The following THEMIS variants were observed in gnomAD, a reference collection of about 807,000 sequenced individuals.
THEMIS encodes thymocyte selection associated, also known as protein THEMIS.
Under a neutral mutation model 52.6 loss-of-function variants are expected in THEMIS, and 37 were observed. The observed-to-expected ratio is 0.70, with a 90% CI of 0.54 to 0.93. The LOEUF is 0.93. Ranked by LOEUF, THEMIS falls within the 40% of genes least tolerant of loss-of-function variation. The pLI is 0.00. For missense variants in THEMIS, 808 were observed against 763.1 expected (o/e 1.06, Z -0.69); for synonymous variants, 292 against 272.7 (o/e 1.07, Z -0.70).
At chr6:127,710,687 A>G (rs1030878025) in intron 5 of THEMIS, among the ~76,000 whole-genome samples, 3 of 152,024 alleles carry the variant, frequency 2.0e-5, no homozygotes, top group Admixed American at 6.6e-5. Flanking sequence ...AATTGTGCCT[A>G]TCTTCAGGCA....
At chr6:127,883,912 C>T (rs1037375079) in intron 1 of THEMIS, among the ~76,000 whole-genome samples, 3 of 151,922 alleles carry the variant, frequency 2.0e-5, no homozygotes, top group African/African-American at 7.3e-5. Flanking sequence ...AATTGAGGAG[C>T]ATCTGTGTTA....
At chr6:127,803,399 T>C (rs760091689) in intron 4 of THEMIS, among the ~76,000 whole-genome samples, 7 of 144,774 alleles carry the variant, frequency 4.8e-5, no homozygotes, top group African/African-American at 1.4e-4. Flanking sequence ...ATCTGCTTTC[T>C]TTTTTTTCTA....
intron 2 of THEMIS, among the ~76,000 whole-genome samples, chr6:127,844,070 C>G (rs1779135414): frequency 6.6e-6 from 1 of 151,910 alleles, no homozygotes; most frequent in Non-Finnish European, 1.5e-5. Flanking sequence ...ACACAACTTA[C>G]TATGCAGATA....
Position 127,710,729 on chromosome 6 carries a change from T to C in THEMIS, c.1895-713A>G, listed in dbSNP as rs145907225. ...TTTATTCCTTTCTACTATGGCTTTA[T>C]GGAGCGCGATGGATGGGTAATTAAA... On this transcript the variant is annotated intron_variant, in intron 5 of 5. Coordinates refer to ENST00000368248, the MANE Select transcript of THEMIS (RefSeq NM_001010923.3). 3.0e-3 allele frequency among the ~76,000 whole-genome samples: 451 copies of C among 152,082 alleles called. 2 individuals are homozygous for C. Among genetic ancestry groups the C allele is most frequent in the Middle Eastern group, 0.01 (3 of 294 alleles).
chr6:127,901,283 A>G (rs761181123), upstream of THEMIS, among the ~76,000 whole-genome samples: 22 of 151,618 alleles, frequency 1.5e-4, no homozygotes, highest in Non-Finnish European at 2.4e-4. Flanking sequence ...TGCATCTACT[A>G]TGGTAGCAAA....
At chr6:127,898,769 G>A (rs916501516) in intron 1 of THEMIS, among the ~76,000 whole-genome samples, 1 of 151,890 alleles carries the variant, frequency 6.6e-6, no homozygotes, top group African/African-American at 2.4e-5. Context: ...CAAATAAAAT[G>A]TGGAATATTA....
At chr6:127,803,306 T>C (rs1447743931) in intron 4 of THEMIS, among the ~76,000 whole-genome samples, 1 of 152,168 alleles carries the variant, frequency 6.6e-6, no homozygotes, top group Non-Finnish European at 1.5e-5. Flanking sequence ...TTTAGAACCT[T>C]TTCATCACCC....
intron 4 of THEMIS, among the ~76,000 whole-genome samples, chr6:127,724,829 T>C (rs1374292783): frequency 1.3e-5 from 2 of 152,068 alleles, no homozygotes; most frequent in African/African-American, 2.4e-5. Flanking sequence ...CAAAAAAAGT[T>C]AACCAAGATG....
intron 1 of THEMIS, among the ~76,000 whole-genome samples, chr6:127,894,827 C>T (rs1462408682): frequency 6.6e-6 from 1 of 151,324 alleles, no homozygotes; most frequent in East Asian, 1.9e-4. Context: ...TTATGTAACT[C>T]ATTTTCGGAA....
intron 1 of THEMIS, among the ~76,000 whole-genome samples, chr6:127,868,613 A>G (rs545490734): frequency 1.2e-4 from 18 of 152,298 alleles, no homozygotes; most frequent in African/African-American, 4.3e-4. Context: ...TCTGGCTACA[A>G]GCTGCCTTGT....
At chr6:127,803,278 C>A (rs1777596382) in intron 4 of THEMIS, among the ~76,000 whole-genome samples, 1 of 152,104 alleles carries the variant, frequency 6.6e-6, no homozygotes, top group Admixed American at 6.5e-5. Context: ...ATCTGTGCAA[C>A]CATTATCATA....
intron 4 of THEMIS, among the ~76,000 whole-genome samples, chr6:127,740,668 T>A (rs963379602): frequency 2.6e-5 from 4 of 152,158 alleles, no homozygotes; most frequent in African/African-American, 9.7e-5. Context: ...ATAAAGCTAG[T>A]ATGTGCTTAC....
chr6:127,852,553 G>A (rs1340337959), intron 2 of THEMIS, among the ~76,000 whole-genome samples: 1 of 151,404 alleles, frequency 6.6e-6, no homozygotes, highest in Non-Finnish European at 1.5e-5. Flanking sequence ...AATAAAATTA[G>A]AAATCAATAG....
rs1781120614 is a variant in THEMIS, at chr6:127,900,997, T to A, written c.-65A>T. 2 of 1,245,780 alleles carry A rather than the reference T, an allele frequency of 1.6e-6. No homozygotes were observed. Among genetic ancestry groups the A allele is most frequent in the African/African-American group, 3.0e-5 (2 of 67,560 alleles). 77.2% of individuals were successfully genotyped at this position (1,245,780 alleles called of 1,614,324 possible). A position where few individuals can be genotyped will look rare whatever the true frequency, so the allele number is the denominator to read the frequency against. On this transcript the variant is annotated 5_prime_UTR_variant, in exon 1 of 6. Coordinates refer to ENST00000368248, the MANE Select transcript of THEMIS (RefSeq NM_001010923.3). Reference sequence around the variant, plus strand: ...AAACTTGTGGCTTCTGGGTGACACTTGTCTGCAATTGCAGCCCCTGCTCAC... The same window carrying A: ...AAACTTGTGGCTTCTGGGTGACACTAGTCTGCAATTGCAGCCCCTGCTCAC...
the THEMIS span, among the ~76,000 whole-genome samples, chr6:127,699,195 C>G: frequency 6.6e-6 from 1 of 151,702 alleles, no homozygotes; most frequent in African/African-American, 2.4e-5. Context: ...CCTATGTGAT[C>G]CACAAATTTA....
upstream of THEMIS, chr6:127,901,093 G>A: frequency 3.3e-6 from 2 of 609,578 alleles, no homozygotes; most frequent in Non-Finnish European, 5.9e-6. Flanking sequence ...TATGTGGGGA[G>A]GACAATGAAG....
In THEMIS at chr6:127,832,777, C is replaced by CTTTTTTTTTTTTTTTTTTTT. The variant is rs11355741; in HGVS notation, c.251-2863_251-2844dup. 3.3e-4 allele frequency among the ~76,000 whole-genome samples: 19 copies of CTTTTTTTTTTTTTTTTTTTT among 57,802 alleles called. 4 individuals are homozygous for CTTTTTTTTTTTTTTTTTTTT. The highest frequency in any genetic ancestry group is 5.8e-4 in the Admixed American group (2 of 3,448). The allele number at this position is 57,802 out of a possible 152,430, so 37.9% of individuals were successfully genotyped here. On this transcript the variant is annotated intron_variant, in intron 2 of 5. Transcript: ENST00000368248. The stretch of plus-strand genomic sequence containing the variant: ...CTATTTCCACCTAGGATTGTCAGAT[C>CTTTTTTTTTTTTTTTTTTTT]TTTTTTTTTTTTTTTTTTTTTTTTG...
chr6:127,870,926 TAGA>T (rs1780138284), intron 1 of THEMIS, among the ~76,000 whole-genome samples: 1 of 152,140 alleles, frequency 6.6e-6, no homozygotes, highest in South Asian at 2.1e-4. Context: ...CAACAACTGA[TAGA>T]AGAACTAGAC....
At chr6:127,870,423 A>T (rs1780121900) in intron 1 of THEMIS, among the ~76,000 whole-genome samples, 1 of 152,208 alleles carries the variant, frequency 6.6e-6, no homozygotes. Context: ...TTCCTGCTGT[A>T]GCAGTGTCAA....
Sources: gnomAD v4.1 joint callset for allele counts (sites outside exome capture counted in the v4.1 genomes callset) on GRCh38, gnomAD v4.1.1 for gene constraint, MANE v1.5 for transcripts, NCBI Gene and HGNC (gene_info 2026-07-23, HGNC 2026-07-21) for gene names.